KIRREL2: variants seen among roughly 807,000 people sequenced by gnomAD.
KIRREL2 encodes kin of IRRE-like protein 2.
In KIRREL2, 56 loss-of-function variants were observed where a neutral mutation model predicts 73.4. That is an observed-to-expected ratio of 0.76 (90% confidence interval 0.62 to 0.95). The LOEUF is 0.95. Among genes scored for constraint, KIRREL2 ranks in the 40% least tolerant of loss-of-function variants. The probability of loss-of-function intolerance (pLI) is 0.00; values close to 1 mark genes in which losing one functional copy is unlikely to be tolerated. For synonymous variants in KIRREL2, 407 were observed against 404.0 expected (o/e 1.01, Z -0.09); for missense variants, 896 against 935.0 (o/e 0.96, Z 0.54).
At chr19:35,856,539 C>T (rs1008467014), upstream of KIRREL2, 6 of 159,198 alleles carry the variant, frequency 3.8e-5, no homozygotes, top group African/African-American at 1.4e-4. This position sits in a 1 kb window ranked among gnomAD's most constrained non-coding sequence, Gnocchi z 5.9. Flanking sequence ...TCCCCCAGGG[C>T]GCGGAAACTG....
At chr19:35,854,046 T>C (rs1294041436), upstream of KIRREL2, among the ~76,000 whole-genome samples, 1 of 152,120 alleles carries the variant, frequency 6.6e-6, no homozygotes, top group East Asian at 1.9e-4. Context: ...GGTTTCGCCA[T>C]GTTGGCCAGG....
chr19:35,861,795 G>A lies in KIRREL2; in HGVS notation c.1291-10G>A. ...GTCTCCTCCGTGTCCTCCCTCTTTT[G>A]TGCCCCCAGGTCTGGTCTTGGGATG... On this transcript the variant is annotated splice_polypyrimidine_tract_variant and intron_variant, in intron 10 of 14. Coordinates refer to ENST00000360202, the MANE Select transcript of KIRREL2 (RefSeq NM_199180.4). 6.3e-7 allele frequency: 1 copy of A among 1,586,256 alleles called. No homozygotes were observed. Among genetic ancestry groups the A allele is most frequent in the Non-Finnish European group, 8.6e-7 (1 of 1,165,876 alleles).
upstream of KIRREL2, chr19:35,856,522 C>A (rs1973431773): frequency 6.3e-6 from 1 of 159,568 alleles, no homozygotes; most frequent in Non-Finnish European, 1.4e-5. The surrounding 1 kb of genome is among the most constrained non-coding windows in gnomAD (Gnocchi z 5.9). Flanking sequence ...GAGCCCCGGA[C>A]CCCGCATCCC....
chr19:35,862,922 G>T lies in KIRREL2; in HGVS notation c.1616-5G>T, dbSNP rs376926880. 2 of 1,544,976 alleles carry T rather than the reference G, an allele frequency of 1.3e-6. No homozygotes were observed. The highest frequency in any genetic ancestry group is 1.8e-6 in the Non-Finnish European group (2 of 1,137,538). The stretch of plus-strand genomic sequence containing the variant: ...CGCTTAACTCCACCGGTCGCTGTTT[G>T]TCAGCCTCAGCCTCTTTCTCCGAGC... On this transcript the variant is annotated splice_region_variant and splice_polypyrimidine_tract_variant and intron_variant, in intron 12 of 14. Coordinates refer to ENST00000360202, the MANE Select transcript of KIRREL2 (RefSeq NM_199180.4).
In KIRREL2 at chr19:35,862,018, C is replaced by T. The variant is rs201818071; in HGVS notation, c.1504C>T (p.Arg502Cys). The T allele has an allele frequency of 2.5e-6, 4 of 1,606,748 alleles. No individual in the cohort carries two copies. The highest frequency in any genetic ancestry group is 1.7e-6 in the Non-Finnish European group (2 of 1,177,108). Reference sequence around the variant, plus strand: ...GGGAGGTGCCCAGGCCAGCCTGGGCCGTAGAGGTGAGACCCCAGCCCGAAG... The same window carrying T: ...GGGAGGTGCCCAGGCCAGCCTGGGCTGTAGAGGTGAGACCCCAGCCCGAAG... Reference protein sequence around the residue: ...GEGGAQASLGRRDLLPTVRIV... With the variant: ...GEGGAQASLGCRDLLPTVRIV... Residue 502 changes from arginine (R) to cysteine (C), a missense_variant, in exon 11 of 15, where the codon CGT (arginine) becomes TGT (cysteine). By Grantham distance (180) the Arg-to-Cys change is radical. Transcript: ENST00000360202.
chr19:35,861,431 G>T, intron 9 of KIRREL2, 110 bp from the exon 10 acceptor site: 1 of 1,451,354 alleles, frequency 6.9e-7, no homozygotes, highest in Non-Finnish European at 9.5e-7. Context: ...GAGGCGGCGT[G>T]GCCTGATTGA....
chr19:35,865,796 T>C (rs1489618312), intron 14 of KIRREL2, among the ~76,000 whole-genome samples: 1 of 152,176 alleles, frequency 6.6e-6, no homozygotes, highest in East Asian at 1.9e-4. Flanking sequence ...AGTTCTATCC[T>C]AGTGACATGC....
Position 35,857,100 on chromosome 19 carries a change from T to C in KIRREL2, c.-20T>C, listed in dbSNP as rs1225195589. ...GGGAAGGCCAGTGCGACGGCAAATC[T>C]CGTGAACCTTGGGGGACGAATGCTC... On this transcript the variant is annotated 5_prime_UTR_variant, in exon 1 of 15. Transcript: ENST00000360202. 17 of 1,613,446 alleles carry C rather than the reference T, an allele frequency of 1.1e-5. No homozygotes were observed. The highest frequency in any genetic ancestry group is 1.4e-5 in the Non-Finnish European group (17 of 1,179,932).
intron 9 of KIRREL2, 34 bp downstream of exon 9, chr19:35,861,288 C>A (rs1425142546): frequency 4.6e-6 from 7 of 1,513,380 alleles, no homozygotes; most frequent in Non-Finnish European, 6.1e-6. Context: ...GGACCTGGCC[C>A]GTCCTGGGAT....
chr19:35,856,748 G>A (rs1973437366), upstream of KIRREL2: 2 of 389,374 alleles, frequency 5.1e-6, no homozygotes, highest in South Asian at 2.3e-5. This position sits in a 1 kb window ranked among gnomAD's most constrained non-coding sequence, Gnocchi z 5.9. Context: ...CCGGCTCCCA[G>A]ACCCCAATTG....
intron 10 of KIRREL2, 65 bp from the exon 11 acceptor site, chr19:35,861,740 C>T: frequency 6.3e-7 from 1 of 1,584,892 alleles, no homozygotes; most frequent in East Asian, 2.2e-5. Flanking sequence ...ACTTCCCAGA[C>T]ATCCCTCCTG....
intron 9 of KIRREL2, 115 bp from the exon 10 acceptor site, chr19:35,861,426 G>A (rs184908921): frequency 3.5e-5 from 50 of 1,447,830 alleles, no homozygotes; most frequent in Admixed American, 2.7e-4. Flanking sequence ...GTTTGGAGGC[G>A]GCGTGGCCTG....
At chr19:35,863,298 C>T (rs1227825678) in intron 13 of KIRREL2, among the ~76,000 whole-genome samples, 1 of 152,122 alleles carries the variant, frequency 6.6e-6, no homozygotes. Context: ...GTGGCATACA[C>T]CTATAGTCCC....
At position 35,857,146 on chromosome 19, in the gene KIRREL2, C is replaced by G. The variant is rs775419288; in HGVS notation, c.27C>G (p.Leu9=). Reference sequence around the variant, plus strand: ...TGCTCAGGATGCGGGTCCCCGCCCTCCTCGTCCTCCTCTTCTGCTTCAGAG... The same window carrying G: ...TGCTCAGGATGCGGGTCCCCGCCCTGCTCGTCCTCCTCTTCTGCTTCAGAG... MLRMRVPA[L]LVLLFCFRGR... The change falls in exon 1 of 15, where the codon CTC becomes CTG. Residue 9 remains leucine (L), a synonymous_variant. Transcript: ENST00000360202. 1.2e-6 allele frequency: 2 copies of G among 1,613,720 alleles called. No individual in the cohort carries two copies. Among genetic ancestry groups the G allele is most frequent in the Non-Finnish European group, 1.7e-6 (2 of 1,179,950 alleles).
At chr19:35,856,507 C>T (rs1973430990), upstream of KIRREL2, 1 of 160,482 alleles carries the variant, frequency 6.2e-6, no homozygotes, top group Admixed American at 5.8e-5. This position sits in a 1 kb window ranked among gnomAD's most constrained non-coding sequence, Gnocchi z 5.9. Flanking sequence ...CACGCAGGCC[C>T]GGGGGAGCCC....
upstream of KIRREL2, chr19:35,855,712 CACAG>C (rs1411272417): frequency 6.9e-6 from 1 of 145,952 alleles, no homozygotes; most frequent in Non-Finnish European, 1.5e-5. Context: ...CACACATACA[CACAG>C]GACTTAGGAC....
At chr19:35,865,173 C>CTTTTT (rs35569940) in intron 14 of KIRREL2, among the ~76,000 whole-genome samples, 1,842 of 104,888 alleles carry the variant, frequency 0.018, 66 homozygotes, top group African/African-American at 0.034. Context: ...TCTCTCTCTT[C>CTTTTT]TTTTTTTTTT....
At chr19:35,856,818 C>G (rs1973440142), upstream of KIRREL2, 1 of 481,836 alleles carries the variant, frequency 2.1e-6, no homozygotes, top group Non-Finnish European at 3.7e-6. This position sits in a 1 kb window ranked among gnomAD's most constrained non-coding sequence, Gnocchi z 5.9. Context: ...ATCCGCGTCT[C>G]AGCCGCGGGA....
At chr19:35,855,922 G>A (rs756404167), upstream of KIRREL2, 2 of 152,078 alleles carry the variant, frequency 1.3e-5, no homozygotes, top group African/African-American at 2.4e-5. Context: ...GGCCATCAGC[G>A]TCTCAGCCAG....
Sources: allele counts gnomAD v4.1 joint callset (sites outside exome capture counted in the v4.1 genomes callset), GRCh38; gene constraint gnomAD v4.1.1; non-coding constraint Gnocchi (gnomAD v3.1); transcripts MANE v1.5; gene names NCBI Gene and HGNC (gene_info 2026-07-23, HGNC 2026-07-21).